The following DISC1 variants were observed in gnomAD, a reference collection of about 807,000 sequenced individuals.
DISC1 encodes the protein DISC1 scaffold protein.
DISC1 carries 57 observed loss-of-function variants against 84.5 expected under a neutral mutation model. That is an observed-to-expected ratio of 0.67 (90% confidence interval 0.55 to 0.84). The LOEUF (loss-of-function observed/expected upper bound fraction) is 0.84, where lower values mean the gene tolerates loss of function less well. DISC1 is among the 40% of genes least tolerant of loss of function. The pLI, the probability that DISC1 is intolerant of heterozygous loss-of-function variation, is 0.00. For missense variants in DISC1, 1,000 were observed against 1,057.8 expected, an observed-to-expected ratio of 0.95 and a Z score of 0.76; for synonymous variants, 411 against 415.2, an observed-to-expected ratio of 0.99 and a Z score of 0.12.
At position 231,943,072 on chromosome 1, in the gene DISC1, G is replaced by A. The variant is rs528189942; in HGVS notation, c.1982-15756G>A. 9.5e-4 allele frequency among the ~76,000 whole-genome samples: 144 copies of A among 152,346 alleles called. 1 individual carries two copies. Among genetic ancestry groups the A allele is most frequent in the African/African-American group, 3.2e-3 (133 of 41,576 alleles). ...CACTAATACATGTGGGGCTGGGGCC[G>A]TGATACAGCCCAAGGCCCCTATACT... On this transcript the variant is annotated intron_variant, in intron 9 of 12. Transcript: ENST00000439617.
chr1:231,807,524 G>A (rs1159109856), intron 8 of DISC1, among the ~76,000 whole-genome samples: 1 of 152,194 alleles, frequency 6.6e-6, no homozygotes, highest in East Asian at 1.9e-4. Context: ...TCATTCATTG[G>A]TTGCTGATCC....
At chr1:231,891,983 G>C (rs1440460638) in intron 9 of DISC1, among the ~76,000 whole-genome samples, 1 of 152,076 alleles carries the variant, frequency 6.6e-6, no homozygotes, top group East Asian at 1.9e-4. Context: ...TGAATTGTTT[G>C]ACCCCATTGC....
chr1:231,898,559 A>G (rs2087883554), intron 9 of DISC1, among the ~76,000 whole-genome samples: 1 of 152,266 alleles, frequency 6.6e-6, no homozygotes, highest in Non-Finnish European at 1.5e-5. Context: ...ACAGAACACC[A>G]TAAAACAAAA....
rs1332990135 is a variant in DISC1, at chr1:232,037,145, G to A, written c.*314G>A. 1.1e-5 allele frequency: 2 copies of A among 189,102 alleles called. No homozygotes were observed. The highest frequency in any genetic ancestry group is 1.3e-4 in the East Asian group (1 of 7,774). The allele number at this position is 189,102 out of a possible 1,614,324, so 11.7% of individuals were successfully genotyped here. On this transcript the variant is annotated 3_prime_UTR_variant, in exon 13 of 13. Transcript: ENST00000439617. ...GTTTCATCTCAGCCCCCATTAGAGA[G>A]AAGTTGGGGTGAATTCTGGAAAAAT...
chr1:231,721,046 C>A (rs1397942607), intron 3 of DISC1: 3 of 1,290,842 alleles, frequency 2.3e-6, no homozygotes, highest in Non-Finnish European at 3.0e-6. Flanking sequence ...CATTCTGGAA[C>A]TTTTCCCAGC....
At chr1:231,707,358 G>A (rs1036915641) in intron 3 of DISC1, among the ~76,000 whole-genome samples, 13 of 152,058 alleles carry the variant, frequency 8.5e-5, no homozygotes, top group African/African-American at 3.1e-4. Flanking sequence ...TTCTCTCCCT[G>A]CCTGCACACC....
At chr1:231,707,326 G>T (rs1428647529) in intron 3 of DISC1, among the ~76,000 whole-genome samples, 1 of 152,152 alleles carries the variant, frequency 6.6e-6, no homozygotes. Context: ...ATTTCCACCT[G>T]CAGCTCCCTT....
At chr1:231,742,840 T>G (rs2073476902) in intron 3 of DISC1, among the ~76,000 whole-genome samples, 1 of 151,962 alleles carries the variant, frequency 6.6e-6, no homozygotes, top group African/African-American at 2.4e-5. Context: ...AGCCCAGGAG[T>G]TGGAGGCTGC....
chr1:231,941,396 G>C (rs1311460239), intron 9 of DISC1, among the ~76,000 whole-genome samples: 1 of 151,940 alleles, frequency 6.6e-6, no homozygotes, highest in African/African-American at 2.4e-5. Flanking sequence ...GGCCAGCAAA[G>C]CGAGGTAGGA....
chr1:231,707,976 G>A (rs746814311), intron 3 of DISC1, among the ~76,000 whole-genome samples: 9 of 152,174 alleles, frequency 5.9e-5, no homozygotes, highest in Non-Finnish European at 1.0e-4. Flanking sequence ...TGAGTTTTCA[G>A]TTGTGTCATG....
chr1:231,963,059 A>T (rs957352875), intron 10 of DISC1, among the ~76,000 whole-genome samples: 8 of 152,152 alleles, frequency 5.3e-5, no homozygotes, highest in Non-Finnish European at 1.0e-4. Context: ...GGTTTTGAGT[A>T]AGCATCTTAA....
chr1:231,788,131 A>G (rs1424795993), intron 6 of DISC1, among the ~76,000 whole-genome samples: 3 of 152,086 alleles, frequency 2.0e-5, no homozygotes, highest in East Asian at 3.9e-4. Flanking sequence ...AAAAATACCA[A>G]AAAAATTAGC....
intron 10 of DISC1, among the ~76,000 whole-genome samples, chr1:231,960,988 G>C (rs1368475323): frequency 1.3e-5 from 2 of 152,230 alleles, no homozygotes; most frequent in South Asian, 2.1e-4. Flanking sequence ...AGGTTACATA[G>C]GATACAGAAG....
At position 231,800,288 on chromosome 1, in the gene DISC1, G is replaced by A. The variant is rs559134301; in HGVS notation, c.1792+78G>A. The A allele has an allele frequency of 7.3e-5, 82 of 1,125,104 alleles. No homozygotes were observed. The East Asian group carries it at 1.4e-3, about 20-fold the overall frequency. 69.7% of individuals were successfully genotyped at this position (1,125,104 alleles called of 1,614,324 possible). The stretch of plus-strand genomic sequence containing the variant: ...TACCAGCACATCGTGTTTTGTCCTC[G>A]ATGAACATTCCACTGTTATTATGTC... On this transcript the variant is annotated intron_variant, in intron 8 of 12. Coordinates refer to ENST00000439617, the MANE Select transcript of DISC1 (RefSeq NM_018662.3).
intron 10 of DISC1, among the ~76,000 whole-genome samples, chr1:231,998,346 A>T (rs1666226133): frequency 6.6e-6 from 1 of 152,194 alleles, no homozygotes; most frequent in African/African-American, 2.4e-5. Context: ...AACATATGAG[A>T]GAAAGATTGA....
chr1:231,960,865 C>T (rs1660294096), intron 10 of DISC1, among the ~76,000 whole-genome samples: 1 of 152,204 alleles, frequency 6.6e-6, no homozygotes, highest in Non-Finnish European at 1.5e-5. Context: ...GGGCTTCTGA[C>T]CAACCAACTA....
At chr1:231,855,329 A>G (rs556987350) in intron 9 of DISC1, 22 of 954,812 alleles carry the variant, frequency 2.3e-5, no homozygotes, top group Non-Finnish European at 2.6e-5. Context: ...AATACATACA[A>G]TTTTTGTCAA....
intron 9 of DISC1, among the ~76,000 whole-genome samples, chr1:231,847,873 TC>T (rs2083574794): frequency 6.6e-6 from 1 of 152,130 alleles, no homozygotes; most frequent in South Asian, 2.1e-4. Context: ...GTCACCAATG[TC>T]CCCAGCACTG....
chr1:232,027,217 A>G (rs191209486), intron 12 of DISC1, among the ~76,000 whole-genome samples: 39 of 152,340 alleles, frequency 2.6e-4, no homozygotes, highest in African/African-American at 9.4e-4. Context: ...AGCTTTTTCA[A>G]TACCAAGCGT....
Sources: allele counts gnomAD v4.1 joint callset (sites outside exome capture counted in the v4.1 genomes callset), GRCh38; gene constraint gnomAD v4.1.1; transcripts MANE v1.5; gene names NCBI Gene and HGNC (gene_info 2026-07-23, HGNC 2026-07-21).